GRIN2A: variants seen among roughly 807,000 people sequenced by gnomAD.
GRIN2A encodes glutamate ionotropic receptor NMDA type subunit 2A.
GRIN2A carries 22 observed loss-of-function variants against 113.4 expected under a neutral mutation model. The ratio of observed to expected loss-of-function variants is 0.19; its 90% CI spans 0.14 to 0.28. GRIN2A has a LOEUF of 0.28. GRIN2A is among the 10% of genes least tolerant of loss of function. GRIN2A has a pLI of 1.00. For synonymous variants in GRIN2A, 827 were observed against 738.4 expected (o/e 1.12, Z -1.94); for missense variants, 1,502 against 1,887.0 (o/e 0.80, Z 3.78).
At chr16:9,803,417 A>T (rs1256887595) in intron 10 of GRIN2A, among the ~76,000 whole-genome samples, 1 of 150,434 alleles carries the variant, frequency 6.6e-6, no homozygotes, top group Non-Finnish European at 1.5e-5. Flanking sequence ...CTCCATCTCA[A>T]AAAAAAAAAC....
chr16:10,012,954 A>G (rs2046535914), intron 2 of GRIN2A, among the ~76,000 whole-genome samples: 1 of 152,232 alleles, frequency 6.6e-6, no homozygotes, highest in Admixed American at 6.5e-5. Context: ...ACCATGTATC[A>G]ACTGCAAACA....
intron 2 of GRIN2A, among the ~76,000 whole-genome samples, chr16:9,950,888 A>G (rs1203122253): frequency 1.3e-5 from 2 of 152,272 alleles, no homozygotes; most frequent in African/African-American, 4.8e-5. Context: ...TATTTATTGC[A>G]TTCCGATCAT....
At chr16:10,103,303 A>C (rs2048435363) in intron 2 of GRIN2A, among the ~76,000 whole-genome samples, 1 of 152,128 alleles carries the variant, frequency 6.6e-6, no homozygotes, top group African/African-American at 2.4e-5. Flanking sequence ...GAAACAACAC[A>C]CTTGGGGATG....
chr16:10,041,297 A>G (rs1289788129), intron 2 of GRIN2A, among the ~76,000 whole-genome samples: 1 of 152,202 alleles, frequency 6.6e-6, no homozygotes, highest in Non-Finnish European at 1.5e-5. Flanking sequence ...AGTAAATCTT[A>G]ATAAATTTTG....
At chr16:9,777,118 G>T (rs1055148050) in intron 11 of GRIN2A, among the ~76,000 whole-genome samples, 18 of 152,140 alleles carry the variant, frequency 1.2e-4, no homozygotes, top group African/African-American at 4.3e-4. Context: ...TTGACTCAAA[G>T]CCATGTGAGG....
intron 2 of GRIN2A, among the ~76,000 whole-genome samples, chr16:10,037,569 T>C (rs2047059485): frequency 1.3e-5 from 2 of 152,202 alleles, no homozygotes; most frequent in African/African-American, 4.8e-5. Flanking sequence ...TAGCATGATA[T>C]TCAAGGGTCT....
chr16:10,051,630 T>C (rs778059713), intron 2 of GRIN2A, among the ~76,000 whole-genome samples: 2 of 152,218 alleles, frequency 1.3e-5, no homozygotes, highest in East Asian at 1.9e-4. Flanking sequence ...TCGAATTGAA[T>C]ATTGCCGAAT....
At chr16:10,144,795 C>G (rs2049400367) in intron 2 of GRIN2A, among the ~76,000 whole-genome samples, 3 of 151,654 alleles carry the variant, frequency 2.0e-5, no homozygotes, top group African/African-American at 7.3e-5. Context: ...GTGGCACACC[C>G]CTGTAATCCC....
intron 2 of GRIN2A, among the ~76,000 whole-genome samples, chr16:10,080,329 G>A (rs1352696794): frequency 6.6e-6 from 1 of 152,164 alleles, no homozygotes; most frequent in Non-Finnish European, 1.5e-5. Flanking sequence ...ACCTTTTTAT[G>A]ATTAGGCTTC....
chr16:10,129,020 G>T (rs1206920029), intron 2 of GRIN2A, among the ~76,000 whole-genome samples: 1 of 152,138 alleles, frequency 6.6e-6, no homozygotes, highest in Non-Finnish European at 1.5e-5. Context: ...TCATTTAACA[G>T]ATATTTATTA....
chr16:9,985,077 T>C (rs1036068890), intron 2 of GRIN2A, among the ~76,000 whole-genome samples: 1 of 152,098 alleles, frequency 6.6e-6, no homozygotes, highest in Admixed American at 6.6e-5. Flanking sequence ...TGATTCTCCA[T>C]GAGACTCTGC....
At chr16:9,844,176 G>A (rs144502945) in intron 5 of GRIN2A, among the ~76,000 whole-genome samples, 1 of 152,124 alleles carries the variant, frequency 6.6e-6, no homozygotes, top group African/African-American at 2.4e-5. Flanking sequence ...CAAGGTCACA[G>A]GCATATAGTG....
At chr16:9,818,470 C>A (rs545451935) in intron 10 of GRIN2A, among the ~76,000 whole-genome samples, 15 of 148,186 alleles carry the variant, frequency 1.0e-4, no homozygotes, top group African/African-American at 3.5e-4. Context: ...TATTTCACTA[C>A]AAAAAAGATA....
intron 2 of GRIN2A, among the ~76,000 whole-genome samples, chr16:9,959,638 A>G (rs1029996386): frequency 6.6e-6 from 1 of 152,236 alleles, no homozygotes; most frequent in African/African-American, 2.4e-5. Context: ...AAAGAACTAG[A>G]GGGCTTGCCA....
At chr16:9,840,548 C>G (rs1012109144) in intron 7 of GRIN2A, 99 bp downstream of exon 7, 4 of 1,114,174 alleles carry the variant, frequency 3.6e-6, no homozygotes, top group South Asian at 1.3e-5. Flanking sequence ...CATGGCCAAA[C>G]AGAGCTAAAC....
At chr16:10,164,834 C>A (rs2049878166) in intron 2 of GRIN2A, among the ~76,000 whole-genome samples, 1 of 152,114 alleles carries the variant, frequency 6.6e-6, no homozygotes, top group Admixed American at 6.5e-5. Context: ...AAAATATATT[C>A]CATGGCAGGT....
At position 9,891,013 on chromosome 16, in the gene GRIN2A, C is replaced by T. The variant is rs1414532779; in HGVS notation, c.1095G>A (p.Val365=). ...TTTCCCATTCCCGGTCTTTGTTCAG[C>T]ACAATCACCACCAGCCTGGGGTGCA... ...YQVHPRLVVI[V]LNKDREWEKV... Residue 365 remains valine (V), a synonymous_variant, in exon 4 of 13, where the codon GTG becomes GTA. Coordinates refer to ENST00000330684, the MANE Select transcript of GRIN2A (RefSeq NM_001134407.3). 2.5e-6 allele frequency: 4 copies of T among 1,611,856 alleles called. No individual in the cohort carries two copies. Among genetic ancestry groups the T allele is most frequent in the South Asian group, 1.1e-5 (1 of 91,022 alleles).
chr16:9,883,532 G>A (rs1426194277), intron 4 of GRIN2A, among the ~76,000 whole-genome samples: 7 of 152,236 alleles, frequency 4.6e-5, no homozygotes. Context: ...CCTTAGCAAA[G>A]AGGACAAATG....
At chr16:9,868,908 T>G (rs2043208696) in intron 4 of GRIN2A, among the ~76,000 whole-genome samples, 1 of 152,212 alleles carries the variant, frequency 6.6e-6, no homozygotes, top group Non-Finnish European at 1.5e-5. Context: ...CACTCTCCTA[T>G]GTGTCCTTCA....
Sources: allele counts gnomAD v4.1 joint callset (sites outside exome capture counted in the v4.1 genomes callset), GRCh38; gene constraint gnomAD v4.1.1; transcripts MANE v1.5; gene names NCBI Gene and HGNC (gene_info 2026-07-23, HGNC 2026-07-21).